The following RNLS variants were observed in gnomAD, a reference collection of about 807,000 sequenced individuals.
RNLS encodes the protein renalase, FAD dependent amine oxidase, also known as renalase.
In RNLS, 39 loss-of-function variants were observed where a neutral mutation model predicts 39.8. That is an observed-to-expected ratio of 0.98 (90% confidence interval 0.76 to 1.28). RNLS has a LOEUF of 1.28. RNLS is among the 50% of genes most tolerant of loss of function. The pLI, the probability that RNLS is intolerant of heterozygous loss-of-function variation, is 0.00. For synonymous variants in RNLS, 147 were observed against 150.7 expected (o/e 0.98, Z 0.18); for missense variants, 410 against 413.3 (o/e 0.99, Z 0.07).
intron 4 of RNLS, among the ~76,000 whole-genome samples, chr10:88,429,648 G>A (rs1564792714): frequency 6.6e-6 from 1 of 151,666 alleles, no homozygotes; most frequent in African/African-American, 2.4e-5. Context: ...TGTAATTTTA[G>A]GTTTTATATT....
chr10:88,205,348 G>A, the RNLS span, among the ~76,000 whole-genome samples: 2 of 152,104 alleles, frequency 1.3e-5, no homozygotes, highest in South Asian at 2.1e-4. Context: ...GGATAATGAA[G>A]TCCCAAATTC....
chr10:88,339,542 T>C (rs1847774816), intron 5 of RNLS, among the ~76,000 whole-genome samples: 1 of 152,102 alleles, frequency 6.6e-6, no homozygotes, highest in African/African-American at 2.4e-5. Context: ...AACTATAAAA[T>C]AGGGATAATA....
chr10:88,472,437 C>G (rs1420962214), intron 4 of RNLS, among the ~76,000 whole-genome samples: 4 of 151,994 alleles, frequency 2.6e-5, no homozygotes, highest in Non-Finnish European at 4.4e-5. Context: ...AAGCCCGAGA[C>G]AGGAGGTGCT....
chr10:88,412,152 G>A (rs913141074), intron 4 of RNLS, among the ~76,000 whole-genome samples: 1 of 152,002 alleles, frequency 6.6e-6, no homozygotes, highest in African/African-American at 2.4e-5. Context: ...TGAAGGCAGG[G>A]GGGTCAGGTG....
At chr10:88,516,319 T>G (rs1846404100) in intron 4 of RNLS, among the ~76,000 whole-genome samples, 1 of 152,008 alleles carries the variant, frequency 6.6e-6, no homozygotes, top group Admixed American at 6.6e-5. Flanking sequence ...AAGTCACAAC[T>G]GAGGAAAAAA....
chr10:88,193,566 G>A, the RNLS span, among the ~76,000 whole-genome samples: 5 of 151,900 alleles, frequency 3.3e-5, no homozygotes, highest in South Asian at 4.2e-4. Flanking sequence ...AAAATCATAC[G>A]TATTTTTTAA....
chr10:88,313,487 T>C (rs1377741135), intron 6 of RNLS, among the ~76,000 whole-genome samples: 1 of 152,192 alleles, frequency 6.6e-6, no homozygotes, highest in South Asian at 2.1e-4. Context: ...CTTAAGTAAA[T>C]ATTTTTCCCC....
intron 4 of RNLS, among the ~76,000 whole-genome samples, chr10:88,521,627 A>T (rs1846742510): frequency 6.6e-6 from 1 of 152,088 alleles, no homozygotes; most frequent in African/African-American, 2.4e-5. Context: ...AACTGGCAAC[A>T]ATTTGAAAGA....
At chr10:88,438,725 T>G (rs1841548771) in intron 4 of RNLS, among the ~76,000 whole-genome samples, 1 of 152,190 alleles carries the variant, frequency 6.6e-6, no homozygotes, top group Non-Finnish European at 1.5e-5. Context: ...ATAATATTTA[T>G]TTCAACAGTG....
chr10:88,243,875 C>T, the RNLS span, among the ~76,000 whole-genome samples: 8 of 152,210 alleles, frequency 5.3e-5, no homozygotes. Context: ...CATTACCCAT[C>T]CATTTCACTA....
the RNLS span, among the ~76,000 whole-genome samples, chr10:88,212,533 A>G: frequency 6.6e-6 from 1 of 152,188 alleles, no homozygotes; most frequent in African/African-American, 2.4e-5. Flanking sequence ...TTCACTTAGC[A>G]TATATTAAGT....
At chr10:88,420,068 A>G (rs201413543) in intron 4 of RNLS, among the ~76,000 whole-genome samples, 2,891 of 78,272 alleles carry the variant, frequency 0.037, 39 homozygotes, top group African/African-American at 0.061. Flanking sequence ...ATGAATGAAT[A>G]AATAAATAAA....
At chr10:88,545,430 CAAAG>C (rs1386878061) in intron 4 of RNLS, 1 of 455,924 alleles carries the variant, frequency 2.2e-6, no homozygotes, top group South Asian at 1.6e-5. Flanking sequence ...CGGTGGAAGA[CAAAG>C]AAAGAGCAAA....
intron 4 of RNLS, among the ~76,000 whole-genome samples, chr10:88,408,317 T>G (rs10509544): frequency 0.32 from 48,231 of 151,938 alleles, 8,776 homozygotes; most frequent in African/African-American, 0.49. Context: ...AGACACTGAA[T>G]AATACTGTTG....
intron 4 of RNLS, among the ~76,000 whole-genome samples, chr10:88,518,918 T>C (rs543941404): frequency 3.9e-5 from 6 of 152,162 alleles, no homozygotes; most frequent in Non-Finnish European, 7.4e-5. Context: ...CCTGTACTCT[T>C]TCCATTTGAC....
chr10:88,477,531 GT>G (rs1290506978), intron 4 of RNLS, among the ~76,000 whole-genome samples: 1 of 152,102 alleles, frequency 6.6e-6, no homozygotes, highest in Non-Finnish European at 1.5e-5. Flanking sequence ...TGTGATGATG[GT>G]GAAGACAGGG....
chr10:88,185,678 G>A, the RNLS span, among the ~76,000 whole-genome samples: 2 of 151,884 alleles, frequency 1.3e-5, no homozygotes, highest in East Asian at 1.9e-4. Context: ...CTTTGACTAA[G>A]CTCTGTCAAT....
intron 4 of RNLS, among the ~76,000 whole-genome samples, chr10:88,541,127 T>C (rs1244336678): frequency 6.6e-6 from 1 of 152,168 alleles, no homozygotes; most frequent in African/African-American, 2.4e-5. Flanking sequence ...ACCATTTCTG[T>C]TATATAGAAA....
At chr10:88,371,476 T>C (rs1332543799) in intron 4 of RNLS, among the ~76,000 whole-genome samples, 1 of 152,170 alleles carries the variant, frequency 6.6e-6, no homozygotes, top group Non-Finnish European at 1.5e-5. Flanking sequence ...TTACGGAGTA[T>C]TAAGAATGTC....
Sources: gnomAD v4.1 joint callset for allele counts (sites outside exome capture counted in the v4.1 genomes callset) on GRCh38, gnomAD v4.1.1 for gene constraint, MANE v1.5 for transcripts, NCBI Gene and HGNC (gene_info 2026-07-23, HGNC 2026-07-21) for gene names.